PRR5L: variants seen among roughly 807,000 people sequenced by gnomAD.
PRR5L encodes proline-rich protein 5-like.
A neutral mutation model predicts 36.4 loss-of-function variants in PRR5L; 21 were observed. The ratio of observed to expected loss-of-function variants is 0.58; its 90% CI spans 0.41 to 0.83. The LOEUF (loss-of-function observed/expected upper bound fraction) is 0.83, where lower values mean the gene tolerates loss of function less well. Ranked by LOEUF, PRR5L falls within the 40% of genes least tolerant of loss-of-function variation. PRR5L has a pLI of 0.00. For missense variants in PRR5L, 381 were observed against 473.3 expected, an observed-to-expected ratio of 0.80 and a Z score of 1.81; for synonymous variants, 188 against 197.0, an observed-to-expected ratio of 0.95 and a Z score of 0.38.
intron 1 of PRR5L, among the ~76,000 whole-genome samples, chr11:36,310,255 C>T (rs548323592): frequency 2.6e-5 from 4 of 152,136 alleles, no homozygotes; most frequent in East Asian, 1.9e-4. Context: ...TGGCAGCAAG[C>T]GCATCAAGAA....
chr11:36,387,385 G>T (rs1857477425), intron 1 of PRR5L, among the ~76,000 whole-genome samples: 2 of 151,928 alleles, frequency 1.3e-5, no homozygotes, highest in Admixed American at 1.3e-4. Context: ...CCTGCACGTT[G>T]TGCACATGTA....
intron 1 of PRR5L, among the ~76,000 whole-genome samples, chr11:36,309,125 C>T (rs139426769): frequency 2.5e-3 from 376 of 152,264 alleles, no homozygotes; most frequent in Non-Finnish European, 4.4e-3. Flanking sequence ...ATCGAAGCAG[C>T]TCCTGGAATA....
intron 1 of PRR5L, among the ~76,000 whole-genome samples, chr11:36,379,202 G>T (rs1857329067): frequency 6.6e-6 from 1 of 152,176 alleles, no homozygotes; most frequent in African/African-American, 2.4e-5. Flanking sequence ...CCATTTATCT[G>T]TAGAAAATTG....
At position 36,321,505 on chromosome 11, in the gene PRR5L, T is replaced by G. The variant is rs1269621907; in HGVS notation, c.-126+25067T>G. 3.3e-5 allele frequency: 5 copies of G among 152,332 alleles called. No homozygotes were observed. In the East Asian group the frequency reaches 9.6e-4, roughly 29 times the overall value. 9.4% of individuals were successfully genotyped at this position (152,332 alleles called of 1,614,324 possible). A position where few individuals can be genotyped will look rare whatever the true frequency, so the allele number is the denominator to read the frequency against. ...CAGAAAGAAATTGTGTCCCTAGAGG[T>G]TGGGCATCAACTAACATGTCTAAAA... On this transcript the variant is annotated intron_variant, in intron 1 of 8. Transcript: ENST00000530639.
At chr11:36,317,251 C>G (rs550303564) in intron 1 of PRR5L, among the ~76,000 whole-genome samples, 1 of 152,188 alleles carries the variant, frequency 6.6e-6, no homozygotes, top group Non-Finnish European at 1.5e-5. Flanking sequence ...AATGGATAAG[C>G]GTCTTAACAC....
At chr11:36,367,180 C>G (rs1467798313) in intron 1 of PRR5L, among the ~76,000 whole-genome samples, 1 of 151,988 alleles carries the variant, frequency 6.6e-6, no homozygotes, top group Non-Finnish European at 1.5e-5. Context: ...CAACAGCATG[C>G]AGTAATACAC....
chr11:36,393,713 A>C (rs1013620109), intron 1 of PRR5L: 1 of 152,186 alleles, frequency 6.6e-6, no homozygotes, highest in Admixed American at 6.5e-5. Flanking sequence ...TTCTGTGAAG[A>C]ATGTCATTAG....
chr11:36,341,269 C>G (rs1190702831), intron 1 of PRR5L, among the ~76,000 whole-genome samples: 1 of 152,110 alleles, frequency 6.6e-6, no homozygotes, highest in Non-Finnish European at 1.5e-5. Context: ...GGAAAGTGAG[C>G]CCTCTATACG....
rs931422385 is a variant in PRR5L, at chr11:36,458,100, G to C, written c.713-4242G>C. On this transcript the variant is annotated intron_variant, in intron 8 of 8. Coordinates refer to ENST00000530639, the MANE Select transcript of PRR5L (RefSeq NM_001160167.2). Reference sequence around the variant, plus strand: ...CAGAAAGAACCGCTGCCAATGCCTGGTGTATTCTTGGTTGCTCCTTGGCGT... The same window carrying C: ...CAGAAAGAACCGCTGCCAATGCCTGCTGTATTCTTGGTTGCTCCTTGGCGT... Among the ~76,000 whole-genome samples the C allele has an allele frequency of 2.5e-4, 38 of 152,350 alleles. No homozygotes were observed. In the Middle Eastern group the frequency reaches 0.01, roughly 41 times the overall value.
At chr11:36,360,393 C>T (rs1436751616) in intron 1 of PRR5L, among the ~76,000 whole-genome samples, 1 of 152,162 alleles carries the variant, frequency 6.6e-6, no homozygotes, top group Non-Finnish European at 1.5e-5. Flanking sequence ...CTTAGAGTGC[C>T]TACTATGTAT....
chr11:36,450,413 G>C (rs760402189), intron 7 of PRR5L, among the ~76,000 whole-genome samples: 22 of 152,172 alleles, frequency 1.4e-4, no homozygotes, highest in Non-Finnish European at 2.9e-4. Flanking sequence ...CAGCATGTTT[G>C]AGTCCTTTCC....
chr11:36,410,277 A>G (rs1857996706), intron 3 of PRR5L, among the ~76,000 whole-genome samples: 1 of 152,178 alleles, frequency 6.6e-6, no homozygotes, highest in Admixed American at 6.5e-5. Flanking sequence ...CTCTCTGGAA[A>G]GGTCAGATCT....
chr11:36,349,119 T>C (rs2133486468), intron 1 of PRR5L, among the ~76,000 whole-genome samples: 1 of 152,020 alleles, frequency 6.6e-6, no homozygotes, highest in East Asian at 1.9e-4. Context: ...ACCTGATCTC[T>C]ACTAAAAATA....
At chr11:36,296,987 A>G (rs1437834030) in intron 1 of PRR5L, among the ~76,000 whole-genome samples, 1 of 152,212 alleles carries the variant, frequency 6.6e-6, no homozygotes, top group East Asian at 1.9e-4. Context: ...GCAATGATAT[A>G]TGATGATAGC....
At chr11:36,316,353 C>T (rs1856557095) in intron 1 of PRR5L, among the ~76,000 whole-genome samples, 2 of 152,140 alleles carry the variant, frequency 1.3e-5, no homozygotes, top group Non-Finnish European at 2.9e-5. Flanking sequence ...GCTGATTTAT[C>T]AAGACAGGGG....
chr11:36,459,317 CTG>C (rs1859130173), intron 8 of PRR5L, among the ~76,000 whole-genome samples: 1 of 152,214 alleles, frequency 6.6e-6, no homozygotes. Flanking sequence ...ATTCCAAACT[CTG>C]TGCATGTTTC....
intron 3 of PRR5L, among the ~76,000 whole-genome samples, chr11:36,404,756 G>A (rs1054563266): frequency 6.6e-6 from 1 of 152,154 alleles, no homozygotes; most frequent in African/African-American, 2.4e-5. Flanking sequence ...TTTCATTAAA[G>A]TCTTTAGAAT....
At chr11:36,432,960 G>A (rs1858532026) in intron 5 of PRR5L, among the ~76,000 whole-genome samples, 1 of 152,112 alleles carries the variant, frequency 6.6e-6, no homozygotes, top group Admixed American at 6.6e-5. Flanking sequence ...AAGAATAGAG[G>A]TTAGAAATTA....
chr11:36,368,294 C>T (rs1410489525), intron 1 of PRR5L, among the ~76,000 whole-genome samples: 2 of 151,754 alleles, frequency 1.3e-5, no homozygotes, highest in African/African-American at 2.4e-5. Context: ...CAGGGGATAG[C>T]GAGTAGAATA....
Sources: allele counts gnomAD v4.1 joint callset (sites outside exome capture counted in the v4.1 genomes callset), GRCh38; gene constraint gnomAD v4.1.1; transcripts MANE v1.5; gene names NCBI Gene and HGNC (gene_info 2026-07-23, HGNC 2026-07-21).